Variants in PHF14 observed in about 807,000 individuals in gnomAD.
PHF14 encodes PHD finger protein 14.
A neutral mutation model predicts 117.9 loss-of-function variants in PHF14; 55 were observed. That is an observed-to-expected ratio of 0.47 (90% CI 0.38 to 0.58). The LOEUF (loss-of-function observed/expected upper bound fraction) is 0.58, where lower values mean the gene tolerates loss of function less well. PHF14 is among the 20% of genes least tolerant of loss of function. The pLI is 0.00. For synonymous variants in PHF14, 409 were observed against 368.6 expected, an observed-to-expected ratio of 1.11 and a Z score of -1.26; for missense variants, 978 against 1,122.2, an observed-to-expected ratio of 0.87 and a Z score of 1.84.
At position 11,036,610 on chromosome 7, in the gene PHF14, G is replaced by C; in HGVS notation, c.1795G>C (p.Asp599His). ...AGATATCTTTCCAGTGGACAATTCAGATACTAGTTCTAGTGTGGATGGAAG... is the reference window on the plus strand; with the variant it reads ...AGATATCTTTCCAGTGGACAATTCACATACTAGTTCTAGTGTGGATGGAAG... ...STDIFPVDNS[D>H]TSSSVDGRRK... Residue 599 changes from aspartate (D) to histidine (H), a missense_variant, in exon 9 of 18, where the codon GAT (aspartate) becomes CAT (histidine). Coordinates refer to ENST00000634607, the MANE Select transcript of PHF14 (RefSeq NM_001007157.2). 6.2e-7 allele frequency: 1 copy of C among 1,613,692 alleles called. No individual in the cohort carries two copies. Among genetic ancestry groups the C allele is most frequent in the South Asian group, 1.1e-5 (1 of 91,078 alleles).
chr7:11,156,647 T>C (rs1291580432), intron 17 of PHF14, among the ~76,000 whole-genome samples: 1 of 151,876 alleles, frequency 6.6e-6, no homozygotes, highest in Admixed American at 6.6e-5. Context: ...ATACAAAAAT[T>C]AGCCGGGTGT....
At chr7:11,007,003 C>A in intron 4 of PHF14, 1 of 330,540 alleles carries the variant, frequency 3.0e-6, no homozygotes, top group African/African-American at 2.2e-5. Context: ...GGTGAAACTC[C>A]CTTCTCTACT....
intron 16 of PHF14, among the ~76,000 whole-genome samples, chr7:11,068,491 T>A (rs943975263): frequency 1.3e-5 from 2 of 151,962 alleles, no homozygotes; most frequent in Admixed American, 1.3e-4. Context: ...AGTAGTCAGA[T>A]TTATAGAGAC....
At chr7:11,001,448 G>C (rs1782870064) in intron 4 of PHF14, among the ~76,000 whole-genome samples, 1 of 152,050 alleles carries the variant, frequency 6.6e-6, no homozygotes, top group Non-Finnish European at 1.5e-5. Flanking sequence ...CTGGAATTTT[G>C]ATTGGGATTT....
chr7:10,982,918 A>C lies in PHF14; in HGVS notation c.659A>C (p.Lys220Thr). ...AATGATTGGCGACCTACTGTAGTAAAGAGAAAAGGGAGATCTGCGTCTCAG... is the reference window on the plus strand; with the variant it reads ...AATGATTGGCGACCTACTGTAGTAACGAGAAAAGGGAGATCTGCGTCTCAG... ...DDNDWRPTVV[K>T]RKGRSASQKE... The change falls in exon 3 of 18, where the codon AAG (lysine) becomes ACG (threonine). Residue 220 changes from lysine to threonine, a missense_variant. Coordinates refer to ENST00000634607, the MANE Select transcript of PHF14 (RefSeq NM_001007157.2). 8 of 1,612,312 alleles carry C rather than the reference A, an allele frequency of 5.0e-6. No homozygotes were observed. Among genetic ancestry groups the C allele is most frequent in the Non-Finnish European group, 5.9e-6 (7 of 1,178,956 alleles).
intron 4 of PHF14, among the ~76,000 whole-genome samples, chr7:11,005,404 G>A (rs1310821849): frequency 6.6e-6 from 1 of 151,972 alleles, no homozygotes; most frequent in Non-Finnish European, 1.5e-5. Flanking sequence ...TGCTGTTTCT[G>A]TTACTTATTA....
intron 4 of PHF14, among the ~76,000 whole-genome samples, chr7:11,004,909 T>G (rs1783026416): frequency 6.6e-6 from 1 of 151,704 alleles, no homozygotes; most frequent in Non-Finnish European, 1.5e-5. Flanking sequence ...CCCAGCTGGT[T>G]GGGAGGCTGA....
chr7:11,144,414 C>G (rs541038011), intron 17 of PHF14, among the ~76,000 whole-genome samples: 2 of 151,628 alleles, frequency 1.3e-5, no homozygotes, highest in East Asian at 3.9e-4. Context: ...TACCTGCACC[C>G]CCATGTTTAT....
intron 11 of PHF14, among the ~76,000 whole-genome samples, chr7:11,040,182 A>G (rs1404050382): frequency 1.3e-5 from 2 of 151,986 alleles, no homozygotes; most frequent in Non-Finnish European, 2.9e-5. Context: ...AATGACTTTG[A>G]TAGATGGTTG....
At chr7:11,014,978 G>A (rs141808618) in intron 5 of PHF14, 1 of 144,796 alleles carries the variant, frequency 6.9e-6, no homozygotes, top group African/African-American at 2.6e-5. Context: ...TGGAGATCAC[G>A]CTCTGCCTCT....
chr7:11,094,885 T>C (rs1786785856), intron 16 of PHF14, among the ~76,000 whole-genome samples: 1 of 152,170 alleles, frequency 6.6e-6, no homozygotes, highest in South Asian at 2.1e-4. Flanking sequence ...TGACATCAGC[T>C]CTCTCATGGC....
At chr7:11,155,762 GT>G (rs74498732) in intron 17 of PHF14, among the ~76,000 whole-genome samples, 9 of 146,330 alleles carry the variant, frequency 6.2e-5, no homozygotes, top group South Asian at 4.3e-4. Context: ...TATATACAAT[GT>G]TTTTTTTTTG....
At chr7:11,153,881 A>C (rs1248365864) in intron 17 of PHF14, among the ~76,000 whole-genome samples, 1 of 151,898 alleles carries the variant, frequency 6.6e-6, no homozygotes, top group East Asian at 1.9e-4. Context: ...CAGAGTCTCG[A>C]AGTATTGTGT....
intron 13 of PHF14, among the ~76,000 whole-genome samples, chr7:11,045,100 A>G (rs955103375): frequency 1.3e-5 from 2 of 152,190 alleles, no homozygotes; most frequent in African/African-American, 4.8e-5. Flanking sequence ...GATAATTTGA[A>G]ATTGAAATTG....
intron 17 of PHF14, among the ~76,000 whole-genome samples, chr7:11,165,673 G>A (rs1272124619): frequency 6.6e-6 from 1 of 152,116 alleles, no homozygotes; most frequent in African/African-American, 2.4e-5. Context: ...AGTTGGTTAC[G>A]TCCTAAGAGG....
intron 17 of PHF14, among the ~76,000 whole-genome samples, chr7:11,128,005 T>A (rs749313293): frequency 6.6e-6 from 1 of 152,098 alleles, no homozygotes; most frequent in Non-Finnish European, 1.5e-5. Flanking sequence ...TTTTTAAAGT[T>A]GTAACTTGAC....
At chr7:11,076,554 T>C (rs1470329010) in intron 16 of PHF14, among the ~76,000 whole-genome samples, 1 of 147,762 alleles carries the variant, frequency 6.8e-6, no homozygotes, top group Non-Finnish European at 1.5e-5. Context: ...ATCTTGGATA[T>C]TTTTTTCTTT....
chr7:11,115,192 A>G (rs1787560822), intron 17 of PHF14, among the ~76,000 whole-genome samples: 1 of 151,590 alleles, frequency 6.6e-6, no homozygotes. Context: ...TTTTTCCACT[A>G]CTACTGTCTT....
chr7:11,122,354 C>T (rs28698901), intron 17 of PHF14, among the ~76,000 whole-genome samples: 2,766 of 50,448 alleles, frequency 0.055, 58 homozygotes, highest in African/African-American at 0.15. Flanking sequence ...TATATATATA[C>T]ACACACACAC....
Sources: gnomAD v4.1 joint callset for allele counts (sites outside exome capture counted in the v4.1 genomes callset) on GRCh38, gnomAD v4.1.1 for gene constraint, MANE v1.5 for transcripts, NCBI Gene and HGNC (gene_info 2026-07-23, HGNC 2026-07-21) for gene names.